The following RAVER2 variants were observed in gnomAD, a reference collection of about 807,000 sequenced individuals.
The protein encoded by RAVER2 is ribonucleoprotein PTB-binding 2.
A neutral mutation model predicts 78.1 loss-of-function variants in RAVER2; 46 were observed. That is an observed-to-expected ratio of 0.59 (90% CI 0.46 to 0.75). RAVER2 has a LOEUF of 0.75. Ranked by LOEUF, RAVER2 falls within the 30% of genes least tolerant of loss-of-function variation. The probability of loss-of-function intolerance (pLI) is 0.00; values close to 1 mark genes in which losing one functional copy is unlikely to be tolerated. For missense variants in RAVER2, 793 were observed against 837.5 expected (o/e 0.95, Z 0.66); for synonymous variants, 311 against 313.3 (o/e 0.99, Z 0.08).
intron 11 of RAVER2, among the ~76,000 whole-genome samples, chr1:64,824,993 C>T (rs914790184): frequency 1.4e-5 from 2 of 142,890 alleles, no homozygotes; most frequent in Non-Finnish European, 3.0e-5. Flanking sequence ...GGGGATGAAT[C>T]GTTAAATCCA....
At chr1:64,769,945 C>A (rs1207015131) in intron 2 of RAVER2, among the ~76,000 whole-genome samples, 1 of 151,944 alleles carries the variant, frequency 6.6e-6, no homozygotes, top group African/African-American at 2.4e-5. Context: ...CATTTAGCAA[C>A]TTGCTTTTTT....
intron 9 of RAVER2, among the ~76,000 whole-genome samples, chr1:64,811,499 T>C (rs2100884376): frequency 6.6e-6 from 1 of 152,258 alleles, no homozygotes; most frequent in Admixed American, 6.5e-5. Flanking sequence ...AAATTCGAAT[T>C]GCTTGATGTG....
chr1:64,745,417 G>C lies in RAVER2; in HGVS notation c.245G>C (p.Cys82Ser). The change falls in exon 1 of 12, where the codon TGC becomes TCC. Residue 82 changes from cysteine (C) to serine (S), a missense_variant. Physicochemically the swap from Cys to Ser is moderately radical, Grantham distance 112 (BLOSUM62 -1). Coordinates refer to ENST00000294428, the Ensembl canonical transcript of RAVER2. This position sits in a 1 kb window ranked among gnomAD's most constrained non-coding sequence, Gnocchi z 4.3. ...AAAAACCTGCCCCAGGACAGCAACTGCCAGGTACTGGGACGGTGATAGGGG... is the reference window on the plus strand; with the variant it reads ...AAAAACCTGCCCCAGGACAGCAACTCCCAGGTACTGGGACGGTGATAGGGG... 3 of 1,532,042 alleles carry C rather than the reference G, an allele frequency of 2.0e-6. No homozygotes were observed. The South Asian group carries it at 3.6e-5, about 18-fold the overall frequency. The allele number at this position is 1,532,042 out of a possible 1,614,324, so 94.9% of individuals were successfully genotyped here. A position where few individuals can be genotyped will look rare whatever the true frequency, so the allele number is the denominator to read the frequency against.
chr1:64,794,135 G>A (rs930108688), intron 5 of RAVER2, among the ~76,000 whole-genome samples: 1 of 151,384 alleles, frequency 6.6e-6, no homozygotes, highest in Admixed American at 6.6e-5. Context: ...GCTGGGCCAG[G>A]CGCAGTGGCT....
intron 4 of RAVER2, among the ~76,000 whole-genome samples, chr1:64,783,453 G>A (rs1296990457): frequency 1.3e-5 from 2 of 152,164 alleles, no homozygotes; most frequent in South Asian, 2.1e-4. Flanking sequence ...ATCTCACTGT[G>A]GTTTTGATTT....
At chr1:64,755,724 GTTTTTTTT>G (rs753375050) in intron 1 of RAVER2, among the ~76,000 whole-genome samples, 23 of 60,662 alleles carry the variant, frequency 3.8e-4, no homozygotes, top group South Asian at 5.4e-4. Context: ...ATGCTTCATA[GTTTTTTTT>G]TTTTTTTTTT....
chr1:64,757,662 G>T (rs1277371244), intron 1 of RAVER2, among the ~76,000 whole-genome samples: 2 of 152,156 alleles, frequency 1.3e-5, no homozygotes, highest in Non-Finnish European at 2.9e-5. Flanking sequence ...CTTTTAGGGG[G>T]AAAATGCTAC....
chr1:64,789,252 A>G, intron 4 of RAVER2, 136 bp from the exon 5 acceptor site: 1 of 716,672 alleles, frequency 1.4e-6, no homozygotes, highest in Non-Finnish European at 2.0e-6. Flanking sequence ...TAAAATAGAT[A>G]TATAATATAA....
intron 11 of RAVER2, among the ~76,000 whole-genome samples, chr1:64,823,315 C>A (rs1653930870): frequency 6.6e-6 from 1 of 152,188 alleles, no homozygotes; most frequent in African/African-American, 2.4e-5. Flanking sequence ...ACTACCCCTT[C>A]CATTTCTCTA....
At chr1:64,789,442 A>G in exon 5 of RAVER2, 2 of 1,610,264 alleles carry the variant, frequency 1.2e-6, no homozygotes, top group Admixed American at 3.4e-5. Context: ...ACAAATTATG[A>G]AAAGTTTAAA....
In RAVER2 at chr1:64,774,224, T is replaced by C. The variant is rs1195358355; in HGVS notation, c.317-3399T>C. On this transcript the variant is annotated intron_variant, in intron 2 of 11. Transcript: ENST00000294428. ...ATTTTGGCTTTTGTTGCCATTGCTT[T>C]TGGTGTTTTAGTCATGAAGTCTTTG... Among the ~76,000 whole-genome samples, 3 of 152,212 alleles carry C rather than the reference T, an allele frequency of 2.0e-5. No individual in the cohort carries two copies. In the East Asian group the frequency reaches 5.8e-4, roughly 29 times the overall value.
intron 10 of RAVER2, among the ~76,000 whole-genome samples, chr1:64,813,478 C>A (rs898744415): frequency 8.6e-5 from 13 of 151,748 alleles, no homozygotes; most frequent in Non-Finnish European, 1.9e-4. Context: ...AAAATGATTC[C>A]ATTTATGTTT....
chr1:64,757,657 A>G (rs1557582398), intron 1 of RAVER2, among the ~76,000 whole-genome samples: 1 of 152,172 alleles, frequency 6.6e-6, no homozygotes, highest in Non-Finnish European at 1.5e-5. Flanking sequence ...AGTTTCTTTT[A>G]GGGGGAAAAT....
chr1:64,760,004 G>A (rs1435212801), intron 1 of RAVER2, among the ~76,000 whole-genome samples: 1 of 151,894 alleles, frequency 6.6e-6, no homozygotes, highest in Non-Finnish European at 1.5e-5. Flanking sequence ...ATCTGTTTAT[G>A]CATGAGGCAG....
At chr1:64,756,129 TG>T (rs1203200918) in intron 1 of RAVER2, among the ~76,000 whole-genome samples, 1 of 152,198 alleles carries the variant, frequency 6.6e-6, no homozygotes, top group Non-Finnish European at 1.5e-5. Context: ...GTTCGTATGG[TG>T]TTCCTTCATG....
intron 8 of RAVER2, among the ~76,000 whole-genome samples, chr1:64,805,630 T>C (rs1038440714): frequency 6.6e-6 from 1 of 152,234 alleles, no homozygotes; most frequent in Non-Finnish European, 1.5e-5. Context: ...CATGGTGTTA[T>C]ACTAAGACTT....
At chr1:64,812,906 A>C (rs935610715) in intron 10 of RAVER2, 57 bp downstream of exon 10, 13 of 1,293,798 alleles carry the variant, frequency 1.0e-5, no homozygotes, top group Non-Finnish European at 1.4e-5. Flanking sequence ...TTTCATAATA[A>C]GTTTTACTTT....
chr1:64,802,985 G>T, exon 6 of RAVER2: 1 of 1,602,000 alleles, frequency 6.2e-7, no homozygotes, highest in South Asian at 1.1e-5. Flanking sequence ...GCCGTTCTTG[G>T]AACACCTCAC....
intron 9 of RAVER2, among the ~76,000 whole-genome samples, chr1:64,808,454 T>A (rs1428756553): frequency 1.4e-5 from 2 of 142,674 alleles, no homozygotes; most frequent in African/African-American, 5.4e-5. Flanking sequence ...GCTAATGCAG[T>A]CCTTTTTTTT....
Sources: gnomAD v4.1 joint callset for allele counts (sites outside exome capture counted in the v4.1 genomes callset) on GRCh38, gnomAD v4.1.1 for gene constraint, Gnocchi (gnomAD v3.1) non-coding constraint, MANE v1.5 for transcripts, NCBI Gene and HGNC (gene_info 2026-07-23, HGNC 2026-07-21) for gene names.